Variants in PDK1 observed in about 807,000 individuals in gnomAD.
PDK1 encodes the protein [Pyruvate dehydrogenase (acetyl-transferring)] kinase isozyme 1, mitochondrial.
PDK1 carries 39 observed loss-of-function variants against 54.2 expected under a neutral mutation model. That is an observed-to-expected ratio of 0.72 (90% confidence interval 0.56 to 0.94). PDK1 has a LOEUF of 0.94. Ranked by LOEUF, PDK1 falls within the 40% of genes least tolerant of loss-of-function variation. The probability of loss-of-function intolerance (pLI) is 0.00; values close to 1 mark genes in which losing one functional copy is unlikely to be tolerated. For synonymous variants in PDK1, 221 were observed against 207.1 expected, an observed-to-expected ratio of 1.07 and a Z score of -0.58; for missense variants, 552 against 566.0, an observed-to-expected ratio of 0.98 and a Z score of 0.25.
chr2:172,708,185 A>G, the PDK1 span, among the ~76,000 whole-genome samples: 5 of 151,858 alleles, frequency 3.3e-5, no homozygotes, highest in Admixed American at 6.6e-5. Flanking sequence ...GCTATTCGGG[A>G]GGATGAGGTG....
At chr2:172,700,666 A>C in the PDK1 span, among the ~76,000 whole-genome samples, 2 of 152,066 alleles carry the variant, frequency 1.3e-5, no homozygotes, top group Non-Finnish European at 2.9e-5. Flanking sequence ...TGGGAGGTGG[A>C]GGTTGTAGCG....
intron 6 of PDK1, 107 bp from the exon 7 acceptor site, chr2:172,568,634 C>G: frequency 1.4e-6 from 1 of 715,918 alleles, no homozygotes; most frequent in Non-Finnish European, 2.5e-6. Context: ...CCAGGTAATA[C>G]TGTCCTCCGT....
At chr2:172,563,602 G>C (rs1370296348) in intron 3 of PDK1, among the ~76,000 whole-genome samples, 1 of 152,222 alleles carries the variant, frequency 6.6e-6, no homozygotes, top group Admixed American at 6.5e-5. Flanking sequence ...GGGAGGCCGA[G>C]GCGGGCGGAT....
At position 172,599,431 on chromosome 2, in the gene PDK1, A is replaced by C. The variant is rs546603411; in HGVS notation, c.*3462A>C. On this transcript the variant is annotated 3_prime_UTR_variant, in exon 11 of 11. Transcript: ENST00000282077. ...AAAATCAGCCAACTAATTTCAGTTT[A>C]TGTCTTTAATTGTGATGTAAGTGTG... The C allele has an allele frequency of 1.3e-5, 2 of 152,262 alleles. No homozygotes were observed. The highest frequency in any genetic ancestry group is 3.9e-4 in the East Asian group (2 of 5,182). 9.4% of individuals were successfully genotyped at this position (152,262 alleles called of 1,614,324 possible).
chr2:172,623,955 G>A, the PDK1 span, among the ~76,000 whole-genome samples: 2 of 152,134 alleles, frequency 1.3e-5, no homozygotes. Context: ...AACTTATATA[G>A]CTTTGGTGAT....
intron 3 of PDK1, chr2:172,564,145 TCC>T (rs1688806953): frequency 2.5e-6 from 1 of 397,106 alleles, no homozygotes; most frequent in African/African-American, 2.1e-5. Context: ...GTGCTTTGTC[TCC>T]TCCTATGCAG....
chr2:172,568,691 C>A, intron 6 of PDK1, 50 bp from the exon 7 acceptor site: 1 of 1,109,896 alleles, frequency 9.0e-7, no homozygotes, highest in Non-Finnish European at 1.4e-6. Flanking sequence ...CTTAAAAATG[C>A]TTTAAGCACA....
At chr2:172,694,045 T>C in the PDK1 span, among the ~76,000 whole-genome samples, 5 of 152,224 alleles carry the variant, frequency 3.3e-5, no homozygotes, top group South Asian at 2.1e-4. Flanking sequence ...GGTGTATGTG[T>C]GGGGTGTCCC....
At chr2:172,579,653 T>C (rs1689784702) in intron 8 of PDK1, among the ~76,000 whole-genome samples, 1 of 151,894 alleles carries the variant, frequency 6.6e-6, no homozygotes, top group South Asian at 2.1e-4. Flanking sequence ...TCCTCTTCCT[T>C]CTTATGTGAC....
chr2:172,557,569 C>T (rs1196095557), intron 1 of PDK1, among the ~76,000 whole-genome samples: 2 of 151,288 alleles, frequency 1.3e-5, no homozygotes, highest in Non-Finnish European at 2.9e-5. Context: ...GTGAATTTTG[C>T]TGTTGCTTGA....
chr2:172,627,529 A>G, the PDK1 span, among the ~76,000 whole-genome samples: 1 of 152,194 alleles, frequency 6.6e-6, no homozygotes, highest in Non-Finnish European at 1.5e-5. Flanking sequence ...TCCTTAAAAG[A>G]TCTAGGAAAT....
At chr2:172,714,560 T>G in the PDK1 span, among the ~76,000 whole-genome samples, 1 of 152,094 alleles carries the variant, frequency 6.6e-6, no homozygotes, top group East Asian at 1.9e-4. Context: ...CTAGATTTTG[T>G]TATCACAGTT....
chr2:172,714,473 TG>T, the PDK1 span, among the ~76,000 whole-genome samples: 1 of 152,116 alleles, frequency 6.6e-6, no homozygotes, highest in Non-Finnish European at 1.5e-5. Context: ...CATACTTTTC[TG>T]TATCAAAAAT....
intron 4 of PDK1, 57 bp from the exon 5 acceptor site, chr2:172,564,921 G>A (rs910588268): frequency 8.5e-7 from 1 of 1,172,982 alleles, no homozygotes; most frequent in African/African-American, 1.5e-5. Flanking sequence ...ATTCAGATTT[G>A]GAAAAGAGCA....
chr2:172,562,731 T>TA (rs1688723110), intron 3 of PDK1: 1 of 1,467,738 alleles, frequency 6.8e-7, no homozygotes, highest in Admixed American at 1.7e-5. Context: ...AAACATTTTT[T>TA]AAAACACAGA....
downstream of PDK1, among the ~76,000 whole-genome samples, chr2:172,611,085 TA>T (rs1691447023): frequency 6.8e-6 from 1 of 147,968 alleles, no homozygotes; most frequent in South Asian, 2.1e-4. Flanking sequence ...TGGTAGCGTA[TA>T]AAGCCAATAA....
At chr2:172,623,298 A>G in the PDK1 span, among the ~76,000 whole-genome samples, 1 of 152,214 alleles carries the variant, frequency 6.6e-6, no homozygotes, top group Admixed American at 6.5e-5. Flanking sequence ...CTCCACTCAC[A>G]GAGAAATAGA....
chr2:172,632,886 A>C, the PDK1 span, among the ~76,000 whole-genome samples: 6 of 140,472 alleles, frequency 4.3e-5, no homozygotes, highest in African/African-American at 1.3e-4. Flanking sequence ...AGGCTGAGGC[A>C]GGAGAATTGC....
Position 172,556,200 on chromosome 2 carries a change from C to A in PDK1, c.50C>A (p.Pro17Gln), listed in dbSNP as rs947598402. ...LRGAALAGPG[P>Q]GLRAAGFSRS... ...GGAGCCGCCTTGGCCGGCCCGGGCC[C>A]GGGGCTGCGCGCCGCCGGCTTCAGC... is the stretch of plus-strand genomic sequence containing the variant. The change falls in exon 1 of 11, where the codon CCG (proline) becomes CAG (glutamine). Residue 17 changes from proline to glutamine, a missense_variant. Pro to Gln is a moderately conservative substitution (Grantham distance 76). Transcript: ENST00000282077. The A allele has an allele frequency of 6.4e-6, 9 of 1,414,556 alleles. No homozygotes were observed. The highest frequency in any genetic ancestry group is 8.2e-6 in the Non-Finnish European group (9 of 1,092,240). 87.6% of individuals were successfully genotyped at this position (1,414,556 alleles called of 1,614,324 possible). A position where few individuals can be genotyped will look rare whatever the true frequency, so the allele number is the denominator to read the frequency against.
Sources: allele counts gnomAD v4.1 joint callset (sites outside exome capture counted in the v4.1 genomes callset), GRCh38; gene constraint gnomAD v4.1.1; transcripts MANE v1.5; gene names NCBI Gene and HGNC (gene_info 2026-07-23, HGNC 2026-07-21).